Variants in ROBO2 observed in about 807,000 individuals in gnomAD.
The protein encoded by ROBO2 is roundabout homolog 2.
In ROBO2, 53 loss-of-function variants were observed where a neutral mutation model predicts 160.8. That is an observed-to-expected ratio of 0.33 (90% CI 0.26 to 0.41). ROBO2 has a LOEUF of 0.41. Among genes scored for constraint, ROBO2 ranks in the 10% least tolerant of loss-of-function variants. The probability of loss-of-function intolerance (pLI) is 1.00; values close to 1 mark genes in which losing one functional copy is unlikely to be tolerated. For synonymous variants in ROBO2, 664 were observed against 611.7 expected (o/e 1.09, Z -1.26); for missense variants, 1,577 against 1,722.4 (o/e 0.92, Z 1.49).
intron 2 of ROBO2, among the ~76,000 whole-genome samples, chr3:76,682,895 A>G (rs1408268654): frequency 6.6e-6 from 1 of 152,158 alleles, no homozygotes; most frequent in Non-Finnish European, 1.5e-5. Flanking sequence ...AAGCAATTGT[A>G]TAAGAGAACT....
intron 21 of ROBO2, among the ~76,000 whole-genome samples, chr3:77,617,310 T>C (rs998905753): frequency 1.3e-5 from 2 of 152,186 alleles, no homozygotes; most frequent in Non-Finnish European, 2.9e-5. Context: ...AATTGAGATA[T>C]TGAGATAACA....
chr3:77,132,364 C>A (rs939847593), intron 2 of ROBO2, among the ~76,000 whole-genome samples: 2 of 149,652 alleles, frequency 1.3e-5, no homozygotes, highest in Middle Eastern at 3.2e-3. Flanking sequence ...AATGTTTTTC[C>A]AACTCTCTCT....
chr3:77,014,616 T>C (rs1354241502), intron 2 of ROBO2, among the ~76,000 whole-genome samples: 1 of 152,194 alleles, frequency 6.6e-6, no homozygotes, highest in Non-Finnish European at 1.5e-5. Context: ...AAGAGCTGTC[T>C]CCTGAATTAA....
chr3:77,622,568 T>C lies in ROBO2; in HGVS notation c.3760+136T>C, dbSNP rs1475251320. 29 of 781,430 alleles carry C rather than the reference T, an allele frequency of 3.7e-5. 1 individual carries two copies. The highest frequency in any genetic ancestry group is 2.7e-5 in the East Asian group (1 of 37,100). The allele number at this position is 781,430 out of a possible 1,614,324, so 48.4% of individuals were successfully genotyped here. On this transcript the variant is annotated intron_variant, in intron 23 of 25. Transcript: ENST00000461745. ...ACATTTTAAATGTGTTAATATTAAA[T>C]ACAAAATTCAAAAAGGATTTGGAAA...
intron 2 of ROBO2, among the ~76,000 whole-genome samples, chr3:75,975,679 C>G (rs915690221): frequency 2.4e-4 from 36 of 151,496 alleles, no homozygotes; most frequent in African/African-American, 8.5e-4. Context: ...AAATTACCTG[C>G]TCTGATTACT....
intron 2 of ROBO2, among the ~76,000 whole-genome samples, chr3:76,017,085 C>A (rs1388750825): frequency 1.3e-5 from 2 of 152,108 alleles, no homozygotes; most frequent in Non-Finnish European, 2.9e-5. Flanking sequence ...GAAAGAATGC[C>A]TTTTCTTCTG....
intron 24 of ROBO2, 77 bp from the exon 27 acceptor site, chr3:77,644,627 G>A: frequency 2.4e-6 from 3 of 1,263,028 alleles, no homozygotes; most frequent in South Asian, 2.4e-5. Context: ...CATTCACAGT[G>A]TTATATTCAA....
intron 2 of ROBO2, among the ~76,000 whole-genome samples, chr3:76,555,425 G>GAAGAA (rs1399867100): frequency 0.06 from 4,101 of 67,938 alleles, 434 homozygotes; most frequent in East Asian, 0.097. Context: ...AAGAAAGAAG[G>GAAGAA]AGAAGGGGAA....
At chr3:76,882,079 A>G (rs2073393693) in intron 2 of ROBO2, among the ~76,000 whole-genome samples, 1 of 127,072 alleles carries the variant, frequency 7.9e-6, no homozygotes, top group Non-Finnish European at 1.6e-5. Flanking sequence ...GTTGGGTCGT[A>G]GGTTGGTTGT....
intron 2 of ROBO2, among the ~76,000 whole-genome samples, chr3:76,057,150 C>A (rs1477614175): frequency 6.6e-6 from 1 of 152,164 alleles, no homozygotes; most frequent in Non-Finnish European, 1.5e-5. Flanking sequence ...CTCTCACCTT[C>A]TAAGACCTTT....
intron 2 of ROBO2, among the ~76,000 whole-genome samples, chr3:76,045,821 C>T (rs995230446): frequency 5.9e-5 from 9 of 151,966 alleles, no homozygotes; most frequent in Non-Finnish European, 1.3e-4. Context: ...CTCTCCCTTC[C>T]TCTCTCTTCC....
At chr3:75,946,041 C>G (rs1415735752) in intron 2 of ROBO2, among the ~76,000 whole-genome samples, 2 of 152,074 alleles carry the variant, frequency 1.3e-5, no homozygotes, top group Non-Finnish European at 2.9e-5. Context: ...TGTTTTGTTT[C>G]CTGGCGGAAT....
At chr3:77,423,409 G>A (rs1423892534) in intron 2 of ROBO2, among the ~76,000 whole-genome samples, 3 of 152,146 alleles carry the variant, frequency 2.0e-5, no homozygotes, top group African/African-American at 4.8e-5. Flanking sequence ...AATACTGTAA[G>A]TAAACATTTA....
chr3:75,961,722 T>C (rs1303279994), intron 2 of ROBO2, among the ~76,000 whole-genome samples: 1 of 151,596 alleles, frequency 6.6e-6, no homozygotes, highest in Non-Finnish European at 1.5e-5. Context: ...CTGAAACTTT[T>C]TGATGGATAT....
rs76670406 is a variant in ROBO2, at chr3:76,783,356, C to T, written c.110-314658C>T. Among the ~76,000 whole-genome samples the T allele has an allele frequency of 8.1e-4, 122 of 150,874 alleles. 1 individual carries two copies. In the Middle Eastern group the frequency reaches 0.014, roughly 17 times the overall value. Reference sequence around the variant, plus strand: ...ACTTTGACTATATTTTTCCCTTAACCGTTGCATGTTTTCATGTTGCTAATT... The same window carrying T: ...ACTTTGACTATATTTTTCCCTTAACTGTTGCATGTTTTCATGTTGCTAATT... On this transcript the variant is annotated intron_variant, in intron 2 of 26. Transcript: ENST00000487694.
chr3:76,939,626 T>C (rs941416578), intron 2 of ROBO2, among the ~76,000 whole-genome samples: 1 of 151,944 alleles, frequency 6.6e-6, no homozygotes, highest in Non-Finnish European at 1.5e-5. Flanking sequence ...TAAAAGAATG[T>C]ACAAATTATT....
rs565550673 is a variant in ROBO2, at chr3:76,369,019, G to C, written c.109+431417G>C. ...AAAGAACCTTCCCTTGACTCCGTAG[G>C]ACTCTTTTATTACATATTTTTTTTC... On this transcript the variant is annotated intron_variant, in intron 2 of 26. Coordinates refer to the ROBO2 transcript ENST00000487694. Among the ~76,000 whole-genome samples, 39 of 151,956 alleles carry C rather than the reference G, an allele frequency of 2.6e-4. 1 individual carries two copies. The highest frequency in any genetic ancestry group is 9.4e-4 in the African/African-American group (39 of 41,484).
chr3:76,454,736 T>A (rs889639726), intron 2 of ROBO2, among the ~76,000 whole-genome samples: 12 of 152,126 alleles, frequency 7.9e-5, no homozygotes, highest in Non-Finnish European at 1.2e-4. Context: ...TTTTTAAACA[T>A]TGAAAAAGCC....
chr3:76,079,433 C>T (rs1033145508), intron 2 of ROBO2, among the ~76,000 whole-genome samples: 8 of 150,638 alleles, frequency 5.3e-5, no homozygotes, highest in East Asian at 3.9e-4. Flanking sequence ...GCAATTATTA[C>T]GTATCATTAA....
Sources: gnomAD v4.1 joint callset for allele counts (sites outside exome capture counted in the v4.1 genomes callset) on GRCh38, gnomAD v4.1.1 for gene constraint, MANE v1.5 for transcripts, NCBI Gene and HGNC (gene_info 2026-07-23, HGNC 2026-07-21) for gene names.